PIK3CB: variants seen among roughly 807,000 people sequenced by gnomAD.
The protein encoded by PIK3CB is phosphatidylinositol-4,5-bisphosphate 3-kinase catalytic subunit beta.
In PIK3CB, 39 loss-of-function variants were observed where a neutral mutation model predicts 136.8. The observed-to-expected ratio is 0.29, with a 90% CI of 0.22 to 0.37. PIK3CB has a LOEUF of 0.37. PIK3CB is among the 10% of genes least tolerant of loss of function. The probability of loss-of-function intolerance (pLI) is 1.00; values close to 1 mark genes in which losing one functional copy is unlikely to be tolerated. For synonymous variants in PIK3CB, 428 were observed against 436.6 expected, an observed-to-expected ratio of 0.98 and a Z score of 0.25; for missense variants, 868 against 1,275.4, an observed-to-expected ratio of 0.68 and a Z score of 4.87.
At chr3:138,794,662 AG>A (rs969541580) in intron 2 of PIK3CB, among the ~76,000 whole-genome samples, 5 of 152,184 alleles carry the variant, frequency 3.3e-5, no homozygotes, top group African/African-American at 1.2e-4. Context: ...GCTAGCTGCT[AG>A]GGTTACAACA....
In PIK3CB at chr3:138,761,057, T is replaced by C. The variant is rs550232871; in HGVS notation, c.-16-1698A>G. ...TAATAGATGCTAAAGACATAAATAA[T>C]AATAAGGTGAAAGGAGAAGAAACTT... On this transcript the variant is annotated intron_variant, in intron 2 of 23. Coordinates refer to ENST00000674063, the MANE Select transcript of PIK3CB (RefSeq NM_006219.3). Among the ~76,000 whole-genome samples, 3 of 152,216 alleles carry C rather than the reference T, an allele frequency of 2.0e-5. No homozygotes were observed. In the South Asian group the frequency reaches 6.2e-4, roughly 32 times the overall value.
chr3:138,819,300 T>C (rs1933460284), intron 1 of PIK3CB, among the ~76,000 whole-genome samples: 1 of 151,974 alleles, frequency 6.6e-6, no homozygotes, highest in Admixed American at 6.6e-5. Flanking sequence ...TTAGCCGAGA[T>C]TGCGCCATTG....
chr3:138,784,432 C>T (rs549504655), intron 2 of PIK3CB, among the ~76,000 whole-genome samples: 2 of 151,010 alleles, frequency 1.3e-5, no homozygotes, highest in East Asian at 1.9e-4. Context: ...CTCTCCCTCT[C>T]GTCTCCGTCT....
intron 2 of PIK3CB, among the ~76,000 whole-genome samples, chr3:138,768,106 C>T (rs1024965950): frequency 6.6e-6 from 1 of 152,046 alleles, no homozygotes; most frequent in Admixed American, 6.6e-5. Context: ...TCTCTGAAGG[C>T]AGGTCATCCT....
chr3:138,672,111 C>T (rs930494658), intron 19 of PIK3CB, among the ~76,000 whole-genome samples: 3 of 151,874 alleles, frequency 2.0e-5, no homozygotes, highest in Admixed American at 6.6e-5. Flanking sequence ...TATAAATTAA[C>T]GAACAAAAGA....
At chr3:138,656,308 T>C in intron 22 of PIK3CB, 34 bp from the exon 23 acceptor site, 7 of 1,611,854 alleles carry the variant, frequency 4.3e-6, no homozygotes, top group Non-Finnish European at 5.1e-6. Context: ...ATGAGCACAG[T>C]GTTAGAGGGG....
At chr3:138,698,189 G>C (rs1457502812) in intron 13 of PIK3CB, among the ~76,000 whole-genome samples, 21 of 152,060 alleles carry the variant, frequency 1.4e-4, no homozygotes, top group Admixed American at 1.4e-3. Context: ...GATTTACTAA[G>C]ACTACATACT....
chr3:138,689,559 G>A (rs1054304186), intron 15 of PIK3CB, among the ~76,000 whole-genome samples: 1 of 152,228 alleles, frequency 6.6e-6, no homozygotes, highest in Admixed American at 6.5e-5. Context: ...CCAAAGTGCT[G>A]GGAACAGGCA....
chr3:138,784,868 G>A (rs1576411971), intron 2 of PIK3CB, among the ~76,000 whole-genome samples: 2 of 152,048 alleles, frequency 1.3e-5, no homozygotes, highest in South Asian at 4.1e-4. Flanking sequence ...GGGAAGTGAG[G>A]AGCGTCTCCC....
intron 11 of PIK3CB, 80 bp from the exon 12 acceptor site, chr3:138,704,573 T>TA (rs1159264347): frequency 1.0e-5 from 9 of 881,916 alleles, no homozygotes; most frequent in African/African-American, 3.3e-5. Context: ...CATTTGTACT[T>TA]AGACTACATA....
intron 1 of PIK3CB, among the ~76,000 whole-genome samples, chr3:138,817,162 C>T (rs907369255): frequency 2.0e-5 from 3 of 152,064 alleles, no homozygotes; most frequent in African/African-American, 7.2e-5. Context: ...CACAGTGAAA[C>T]CCCGTCTCTA....
chr3:138,735,676 TAAGAA>T (rs1215619846), intron 6 of PIK3CB, among the ~76,000 whole-genome samples: 1 of 152,090 alleles, frequency 6.6e-6, no homozygotes. Flanking sequence ...CAGAGGCATA[TAAGAA>T]AAGGGGTGAT....
At chr3:138,759,925 ATT>A (rs891692962) in intron 2 of PIK3CB, among the ~76,000 whole-genome samples, 3 of 144,976 alleles carry the variant, frequency 2.1e-5, no homozygotes, top group African/African-American at 2.5e-5. Context: ...TACAAGGACA[ATT>A]TTTTTTTTTT....
At chr3:138,789,721 GTC>G (rs1200536303) in intron 2 of PIK3CB, among the ~76,000 whole-genome samples, 2 of 150,510 alleles carry the variant, frequency 1.3e-5, no homozygotes, top group Non-Finnish European at 2.9e-5. Flanking sequence ...TGGAGACGGA[GTC>G]TCTCTCTGTC....
chr3:138,829,535 G>A (rs768159458), intron 1 of PIK3CB, among the ~76,000 whole-genome samples: 9 of 152,142 alleles, frequency 5.9e-5, no homozygotes, highest in Non-Finnish European at 1.3e-4. Context: ...TACAGTGAGG[G>A]AGGATGAGAC....
intron 2 of PIK3CB, 58 bp from the exon 3 acceptor site, chr3:138,759,417 A>G (rs2045630599): frequency 1.6e-6 from 2 of 1,213,996 alleles, no homozygotes; most frequent in East Asian, 2.4e-5. Flanking sequence ...TTATACCAAG[A>G]TATGATAAAG....
At chr3:138,747,134 C>G (rs1391226683) in intron 4 of PIK3CB, among the ~76,000 whole-genome samples, 1 of 113,512 alleles carries the variant, frequency 8.8e-6, no homozygotes, top group Non-Finnish European at 1.7e-5. Context: ...GGCACAATCA[C>G]AGCACACTAG....
chr3:138,693,992 A>T lies in PIK3CB; in HGVS notation c.1892+794T>A, dbSNP rs1187224416. Reference sequence around the variant, plus strand: ...TATATATATATATATATATATATATATTTTAAACCCATGACAAAAATTAAC... The same window carrying T: ...TATATATATATATATATATATATATTTTTTAAACCCATGACAAAAATTAAC... On this transcript the variant is annotated intron_variant, in intron 14 of 23. Transcript: ENST00000674063. Among the ~76,000 whole-genome samples, 301 of 113,280 alleles carry T rather than the reference A, an allele frequency of 2.7e-3. 1 individual carries two copies. The highest frequency in any genetic ancestry group is 9.1e-3 in the African/African-American group (276 of 30,238). The allele number at this position is 113,280 out of a possible 152,430, so 74.3% of individuals were successfully genotyped here.
chr3:138,658,584 A>G (rs2043231954), intron 21 of PIK3CB, among the ~76,000 whole-genome samples: 1 of 152,240 alleles, frequency 6.6e-6, no homozygotes, highest in East Asian at 1.9e-4. Flanking sequence ...TTTCTAAATA[A>G]TATGTTTATA....
Sources: allele counts gnomAD v4.1 joint callset (sites outside exome capture counted in the v4.1 genomes callset), GRCh38; gene constraint gnomAD v4.1.1; transcripts MANE v1.5; gene names NCBI Gene and HGNC (gene_info 2026-07-23, HGNC 2026-07-21).